The following TBL1XR1 variants were observed in gnomAD, a reference collection of about 807,000 sequenced individuals.
TBL1XR1 encodes TBL1X/Y related 1, also known as F-box-like/WD repeat-containing protein TBL1XR1.
TBL1XR1 carries 5 observed loss-of-function variants against 66.9 expected under a neutral mutation model. The observed-to-expected ratio is 0.07, with a 90% CI of 0.04 to 0.16. TBL1XR1 has a LOEUF of 0.16. Ranked by LOEUF, TBL1XR1 falls within the 10% of genes least tolerant of loss-of-function variation. TBL1XR1 has a pLI of 1.00. For missense variants in TBL1XR1, 238 were observed against 623.2 expected (o/e 0.38, Z 6.58); for synonymous variants, 210 against 206.0 (o/e 1.02, Z -0.17).
Position 177,082,738 on chromosome 3 carries a change from TTATATA to T in TBL1XR1, c.-46+15722_-46+15727del, listed in dbSNP as rs374510003. 2.3e-3 allele frequency among the ~76,000 whole-genome samples: 145 copies of T among 63,234 alleles called. 7 individuals are homozygous for T. The highest frequency in any genetic ancestry group is 0.019 in the South Asian group (24 of 1,290). 41.5% of individuals were successfully genotyped at this position (63,234 alleles called of 152,430 possible). ...TATTACTAAATTTCTAAGATAGAGA[TTATATA>T]TATATATATATATATATATATATGA... On this transcript the variant is annotated intron_variant, in intron 2 of 15. Transcript: ENST00000457928.
At chr3:177,073,171 A>T (rs903152392) in intron 2 of TBL1XR1, among the ~76,000 whole-genome samples, 1 of 152,248 alleles carries the variant, frequency 6.6e-6, no homozygotes. Context: ...GCTCTTTGAG[A>T]TCATCAATAA....
intron 1 of TBL1XR1, among the ~76,000 whole-genome samples, chr3:177,129,721 C>T (rs745348725): frequency 3.3e-5 from 5 of 151,988 alleles, no homozygotes; most frequent in Non-Finnish European, 7.4e-5. Context: ...TACAAGATAC[C>T]GTTCTTTATC....
intron 1 of TBL1XR1, among the ~76,000 whole-genome samples, chr3:177,191,860 T>C (rs562855958): frequency 2.0e-5 from 3 of 152,092 alleles, no homozygotes; most frequent in African/African-American, 7.2e-5. Flanking sequence ...TCCCAGCACT[T>C]TGGGAGGCCG....
chr3:177,037,151 T>C (rs115555108), intron 12 of TBL1XR1, among the ~76,000 whole-genome samples: 1,901 of 152,318 alleles, frequency 0.012, 26 homozygotes, highest in Non-Finnish European at 0.019. Context: ...TGGTGATACA[T>C]AGTCATACCA....
chr3:177,141,277 G>A (rs1411104415), intron 1 of TBL1XR1, among the ~76,000 whole-genome samples: 1 of 152,148 alleles, frequency 6.6e-6, no homozygotes, highest in Admixed American at 6.5e-5. Context: ...TCTGCTGCAT[G>A]CATGCATTAC....
intron 2 of TBL1XR1, among the ~76,000 whole-genome samples, chr3:177,083,715 C>A (rs1263182371): frequency 6.6e-6 from 1 of 152,152 alleles, no homozygotes; most frequent in Non-Finnish European, 1.5e-5. Context: ...AAAGAACTTG[C>A]AGTCATCAGT....
chr3:177,159,895 T>G (rs1374113574), intron 1 of TBL1XR1, among the ~76,000 whole-genome samples: 1 of 152,188 alleles, frequency 6.6e-6, no homozygotes, highest in Non-Finnish European at 1.5e-5. Context: ...TGTCTATTTG[T>G]TTAAAAATTT....
At chr3:177,095,672 G>T (rs952351981) in intron 2 of TBL1XR1, among the ~76,000 whole-genome samples, 2 of 151,994 alleles carry the variant, frequency 1.3e-5, no homozygotes, top group African/African-American at 4.8e-5. Flanking sequence ...TAGAGATGGG[G>T]TTTCACCATG....
chr3:177,189,855 T>C (rs542606543), intron 1 of TBL1XR1, among the ~76,000 whole-genome samples: 1 of 152,116 alleles, frequency 6.6e-6, no homozygotes, highest in East Asian at 1.9e-4. Flanking sequence ...TTAATAGTAA[T>C]GGCTCAAATG....
At chr3:177,109,075 C>T (rs1725238264) in intron 1 of TBL1XR1, among the ~76,000 whole-genome samples, 1 of 152,096 alleles carries the variant, frequency 6.6e-6, no homozygotes, top group African/African-American at 2.4e-5. Context: ...TTCACATTTT[C>T]TAACAATCCT....
intron 1 of TBL1XR1, among the ~76,000 whole-genome samples, chr3:177,154,355 T>C (rs1436557323): frequency 2.0e-5 from 3 of 152,138 alleles, no homozygotes; most frequent in African/African-American, 7.2e-5. Context: ...TAAATGTGTG[T>C]ACCTAACACC....
At chr3:177,146,279 C>CA (rs1277542679) in intron 1 of TBL1XR1, among the ~76,000 whole-genome samples, 1 of 151,896 alleles carries the variant, frequency 6.6e-6, no homozygotes, top group Admixed American at 6.6e-5. Flanking sequence ...TTCTGGCTTT[C>CA]ATATGATATG....
At chr3:177,086,951 G>C (rs1369789481) in intron 2 of TBL1XR1, 1 of 149,958 alleles carries the variant, frequency 6.7e-6, no homozygotes, top group Non-Finnish European at 1.5e-5. Flanking sequence ...AAATCATATG[G>C]AAAATATATT....
At chr3:177,139,728 G>GT (rs1160537205) in intron 1 of TBL1XR1, among the ~76,000 whole-genome samples, 1 of 151,302 alleles carries the variant, frequency 6.6e-6, no homozygotes, top group African/African-American at 2.4e-5. Context: ...TACTTACAAC[G>GT]TAAGACATGC....
chr3:177,026,045 T>C, intron 15 of TBL1XR1: 1 of 316,418 alleles, frequency 3.2e-6, no homozygotes. Flanking sequence ...AATTCTTCTG[T>C]GAAGAGGAGA....
chr3:177,055,321 C>T (rs1313037534), intron 3 of TBL1XR1, among the ~76,000 whole-genome samples: 1 of 151,932 alleles, frequency 6.6e-6, no homozygotes, highest in Non-Finnish European at 1.5e-5. Context: ...AGTCAGAGTA[C>T]ACCTAAGTTG....
At chr3:177,056,095 T>TC (rs1187700372) in intron 3 of TBL1XR1, among the ~76,000 whole-genome samples, 2 of 152,200 alleles carry the variant, frequency 1.3e-5, no homozygotes, top group African/African-American at 4.8e-5. Context: ...TGTTTTCATC[T>TC]CAGGGTCCTG....
chr3:177,033,207 C>A, intron 13 of TBL1XR1, 71 bp from the exon 14 acceptor site: 1 of 1,322,102 alleles, frequency 7.6e-7, no homozygotes, highest in Non-Finnish European at 9.9e-7. Context: ...CCCACCCAAC[C>A]TCCCATATTC....
chr3:177,027,755 T>C (rs946706317), intron 14 of TBL1XR1: 3 of 152,164 alleles, frequency 2.0e-5, no homozygotes, highest in Admixed American at 6.6e-5. Flanking sequence ...CACAGATGCA[T>C]TGGTACTGAC....
Sources: gnomAD v4.1 joint callset for allele counts (sites outside exome capture counted in the v4.1 genomes callset) on GRCh38, gnomAD v4.1.1 for gene constraint, MANE v1.5 for transcripts, NCBI Gene and HGNC (gene_info 2026-07-23, HGNC 2026-07-21) for gene names.